Variants in DLG1 observed in about 807,000 individuals in gnomAD.
DLG1 encodes discs large MAGUK scaffold protein 1, also known as disks large homolog 1.
Under a neutral mutation model 123.4 loss-of-function variants are expected in DLG1, and 42 were observed. The observed-to-expected ratio is 0.34, with a 90% CI of 0.27 to 0.44. The LOEUF is 0.44. Ranked by LOEUF, DLG1 falls within the 20% of genes least tolerant of loss-of-function variation. The pLI is 1.00. For missense variants in DLG1, 942 were observed against 1,082.6 expected (o/e 0.87, Z 1.82); for synonymous variants, 317 against 356.2 (o/e 0.89, Z 1.24).
At chr3:197,268,845 AT>A (rs1043501830) in intron 4 of DLG1, among the ~76,000 whole-genome samples, 17 of 146,180 alleles carry the variant, frequency 1.2e-4, no homozygotes, top group South Asian at 2.2e-4. Flanking sequence ...CTATTTTTTA[AT>A]TTTTTTTTTT....
At chr3:197,286,040 T>C (rs1221441018) in intron 3 of DLG1, among the ~76,000 whole-genome samples, 3 of 152,120 alleles carry the variant, frequency 2.0e-5, no homozygotes, top group Non-Finnish European at 4.4e-5. Flanking sequence ...TATTCAGTCA[T>C]AAAAAGATAC....
At chr3:197,108,400 A>G (rs1767815528) in intron 13 of DLG1, among the ~76,000 whole-genome samples, 1 of 152,182 alleles carries the variant, frequency 6.6e-6, no homozygotes, top group African/African-American at 2.4e-5. Flanking sequence ...GTTTGGCAGA[A>G]TGTACCAGTG....
At chr3:197,214,973 G>A (rs570820734) in intron 4 of DLG1, among the ~76,000 whole-genome samples, 1 of 152,154 alleles carries the variant, frequency 6.6e-6, no homozygotes, top group Non-Finnish European at 1.5e-5. Context: ...GAAGGTGTGG[G>A]AAAACAGAAA....
intron 5 of DLG1, among the ~76,000 whole-genome samples, chr3:197,150,867 CAG>C (rs1793520356): frequency 1.3e-5 from 2 of 151,910 alleles, no homozygotes; most frequent in African/African-American, 4.8e-5. Flanking sequence ...AAAAATTAAA[CAG>C]TATGCATTTG....
intron 4 of DLG1, among the ~76,000 whole-genome samples, chr3:197,268,126 A>G (rs1762460002): frequency 6.6e-6 from 1 of 152,218 alleles, no homozygotes; most frequent in Non-Finnish European, 1.5e-5. Flanking sequence ...GAGGTTTAGG[A>G]GCACATGAGA....
intron 4 of DLG1, among the ~76,000 whole-genome samples, chr3:197,217,288 T>A (rs1423437712): frequency 6.6e-6 from 1 of 152,208 alleles, no homozygotes; most frequent in African/African-American, 2.4e-5. Context: ...AAGAATTAAA[T>A]GGACTGATCA....
chr3:197,264,278 G>A (rs1476322431), intron 4 of DLG1, among the ~76,000 whole-genome samples: 2 of 152,034 alleles, frequency 1.3e-5, no homozygotes, highest in Non-Finnish European at 2.9e-5. Flanking sequence ...GAACTACAAC[G>A]TCACTTGACC....
intron 5 of DLG1, among the ~76,000 whole-genome samples, chr3:197,174,780 A>G (rs1010842281): frequency 6.6e-6 from 1 of 152,168 alleles, no homozygotes; most frequent in African/African-American, 2.4e-5. Context: ...TTGCTCTTGA[A>G]CGTGGCTGTT....
chr3:197,173,749 T>C (rs189116043), intron 5 of DLG1, among the ~76,000 whole-genome samples: 1 of 152,370 alleles, frequency 6.6e-6, no homozygotes, highest in East Asian at 1.9e-4. Flanking sequence ...ACACTGCTAT[T>C]GTAGTTCAAA....
At chr3:197,138,886 G>C (rs773050224) in intron 8 of DLG1, among the ~76,000 whole-genome samples, 4 of 152,130 alleles carry the variant, frequency 2.6e-5, no homozygotes, top group Admixed American at 6.5e-5. Context: ...ATAAGTGACA[G>C]AGCTGTGATT....
chr3:197,268,260 G>T (rs1165837643), intron 4 of DLG1, among the ~76,000 whole-genome samples: 1 of 152,076 alleles, frequency 6.6e-6, no homozygotes, highest in African/African-American at 2.4e-5. Context: ...AAAACTAATT[G>T]GGGGTGTCTT....
chr3:197,261,767 TTAG>T lies in DLG1; in HGVS notation c.318+20909_318+20911del, dbSNP rs199658631. 6.7e-3 allele frequency among the ~76,000 whole-genome samples: 1,022 copies of T among 152,304 alleles called. 14 individuals are homozygous for T. Among genetic ancestry groups the T allele is most frequent in the South Asian group, 9.1e-3 (44 of 4,822 alleles). ...ATTATCAATGTTGTTATTACTATTATTAGTATGTATCAAATTACAGCCTTTTAT... is the reference window on the plus strand; with the variant it reads ...ATTATCAATGTTGTTATTACTATTATTATGTATCAAATTACAGCCTTTTAT... On this transcript the variant is annotated intron_variant, in intron 4 of 24. Transcript: ENST00000667157.
chr3:197,068,601 A>T (rs1741385815), intron 19 of DLG1: 2 of 1,055,638 alleles, frequency 1.9e-6, no homozygotes, highest in Admixed American at 4.0e-5. Context: ...TTAAGGTGCT[A>T]CAACTGATAT....
chr3:197,143,861 T>C (rs976854889), intron 6 of DLG1, among the ~76,000 whole-genome samples: 8 of 152,212 alleles, frequency 5.3e-5, no homozygotes, highest in African/African-American at 1.4e-4. Flanking sequence ...TCAAGATATC[T>C]TGGTCACAAT....
intron 11 of DLG1, among the ~76,000 whole-genome samples, chr3:197,123,543 A>C (rs747108550): frequency 4.6e-5 from 7 of 152,226 alleles, no homozygotes; most frequent in African/African-American, 7.2e-5. Flanking sequence ...AATAAATAAT[A>C]ATCATTAAAA....
chr3:197,244,571 A>T lies in DLG1; in HGVS notation c.318+38108T>A, dbSNP rs1750665706. 1.3e-5 allele frequency among the ~76,000 whole-genome samples: 2 copies of T among 152,142 alleles called. 1 individual carries two copies. The highest frequency in any genetic ancestry group is 4.8e-5 in the African/African-American group (2 of 41,426). On this transcript the variant is annotated intron_variant, in intron 4 of 24. Transcript: ENST00000667157. ...TCTGACAGTAGAGAGGGGAAAGAAA[A>T]AAAGGCACTATAAGAGGGTTAAGCT...
intron 4 of DLG1, among the ~76,000 whole-genome samples, chr3:197,225,148 C>T (rs144706628): frequency 3.7e-4 from 56 of 152,256 alleles, no homozygotes; most frequent in African/African-American, 1.3e-3. Flanking sequence ...TTAGTAGAGA[C>T]GGGGTTTCAC....
chr3:197,131,834 C>A (rs1458663034), intron 10 of DLG1, among the ~76,000 whole-genome samples: 1 of 151,742 alleles, frequency 6.6e-6, no homozygotes, highest in African/African-American at 2.4e-5. Context: ...ACCTCGTGAT[C>A]CGCCCGCCTC....
In DLG1 at chr3:197,238,360, G is replaced by A. The variant is rs566496772; in HGVS notation, c.319-43771C>T. Among the ~76,000 whole-genome samples, 88 of 152,026 alleles carry A rather than the reference G, an allele frequency of 5.8e-4. 1 individual carries two copies. The highest frequency in any genetic ancestry group is 1.3e-3 in the Admixed American group (20 of 15,260). On this transcript the variant is annotated intron_variant, in intron 4 of 24. Transcript: ENST00000667157. ...TTACCTAACAGAGTTTAAAGTAGGC[G>A]TCATATAAAAAATTAATGAACAATT...
Sources: gnomAD v4.1 joint callset for allele counts (sites outside exome capture counted in the v4.1 genomes callset) on GRCh38, gnomAD v4.1.1 for gene constraint, MANE v1.5 for transcripts, NCBI Gene and HGNC (gene_info 2026-07-23, HGNC 2026-07-21) for gene names.